Variants in SPAG17 observed in about 807,000 individuals in gnomAD.
SPAG17 encodes the protein sperm-associated antigen 17.
Under a neutral mutation model 273.6 loss-of-function variants are expected in SPAG17, and 169 were observed. The observed-to-expected ratio is 0.62, with a 90% CI of 0.55 to 0.70. The LOEUF (loss-of-function observed/expected upper bound fraction) is 0.70. SPAG17 is among the 30% of genes least tolerant of loss of function. The pLI is 0.00. For missense variants in SPAG17, 2,557 were observed against 2,627.8 expected, an observed-to-expected ratio of 0.97 and a Z score of 0.59; for synonymous variants, 825 against 873.2, an observed-to-expected ratio of 0.94 and a Z score of 0.97.
intron 40 of SPAG17, among the ~76,000 whole-genome samples, chr1:117,985,730 TAA>T (rs758122113): frequency 7.9e-4 from 120 of 152,296 alleles, no homozygotes; most frequent in South Asian, 1.9e-3. Context: ...CTAAAAAACT[TAA>T]GTTTTGCAAA....
At chr1:118,073,583 A>AT (rs1212274143) in intron 17 of SPAG17, among the ~76,000 whole-genome samples, 9 of 152,304 alleles carry the variant, frequency 5.9e-5, no homozygotes, top group African/African-American at 2.2e-4. Context: ...GCAGCAAAAA[A>AT]ATATATATAT....
intron 1 of SPAG17, among the ~76,000 whole-genome samples, chr1:118,173,157 G>T (rs539724122): frequency 1.3e-5 from 2 of 151,638 alleles, no homozygotes; most frequent in East Asian, 3.9e-4. Context: ...AGAGACTAAC[G>T]TAGCAGTATA....
At chr1:118,049,249 G>A (rs1379439791) in intron 20 of SPAG17, among the ~76,000 whole-genome samples, 1 of 152,156 alleles carries the variant, frequency 6.6e-6, no homozygotes, top group Admixed American at 6.5e-5. Flanking sequence ...TGATACCAAA[G>A]CTAGACAAGG....
At chr1:118,183,731 C>T (rs1661052545) in intron 1 of SPAG17, among the ~76,000 whole-genome samples, 1 of 152,132 alleles carries the variant, frequency 6.6e-6, no homozygotes, top group Admixed American at 6.5e-5. Context: ...GCAGTGTCAG[C>T]ACCTCCATCA....
At chr1:118,002,734 G>C (rs1658437067) in intron 32 of SPAG17, among the ~76,000 whole-genome samples, 1 of 152,010 alleles carries the variant, frequency 6.6e-6, no homozygotes. Context: ...CACATGAGAT[G>C]GGTCTCCTGA....
At chr1:118,075,461 C>A (rs145132522) in intron 15 of SPAG17, among the ~76,000 whole-genome samples, 21 of 152,178 alleles carry the variant, frequency 1.4e-4, no homozygotes, top group African/African-American at 4.6e-4. Context: ...CATAGATCAA[C>A]GAACATCTCA....
intron 1 of SPAG17, among the ~76,000 whole-genome samples, chr1:118,153,575 A>G (rs1341241251): frequency 6.6e-6 from 1 of 152,212 alleles, no homozygotes; most frequent in Non-Finnish European, 1.5e-5. Flanking sequence ...TAGGCTGGGC[A>G]TGGTGGCTCA....
Position 118,097,727 on chromosome 1 carries a change from A to C in SPAG17, c.954T>G (p.Leu318=). ...PETNLFDVAR[L]EYMVKAADFP... Reference sequence around the variant, plus strand: ...AATCAGCTGCTTTGACCATGTACTCAAGTCGAGCAACATCAAAGAGATTTG... The same window carrying C: ...AATCAGCTGCTTTGACCATGTACTCCAGTCGAGCAACATCAAAGAGATTTG... Residue 318 remains leucine (L), a synonymous_variant, in exon 7 of 49, where the codon CTT becomes CTG. Coordinates refer to ENST00000336338, the MANE Select transcript of SPAG17 (RefSeq NM_206996.4). 1 of 1,610,394 alleles carries C rather than the reference A, an allele frequency of 6.2e-7. No individual in the cohort carries two copies. The highest frequency in any genetic ancestry group is 8.5e-7 in the Non-Finnish European group (1 of 1,178,698).
chr1:118,023,917 C>G (rs1449230062), intron 27 of SPAG17, among the ~76,000 whole-genome samples: 1 of 152,092 alleles, frequency 6.6e-6, no homozygotes, highest in East Asian at 1.9e-4. Context: ...GATATGTCTA[C>G]CTGCTGTTGG....
At chr1:118,056,917 T>C (rs955563505) in intron 18 of SPAG17, among the ~76,000 whole-genome samples, 2 of 152,206 alleles carry the variant, frequency 1.3e-5, no homozygotes, top group East Asian at 3.9e-4. Context: ...AGTCTACAGT[T>C]CCAGTTAAAC....
In SPAG17 at chr1:118,036,811, C is replaced by A. The variant is rs1456799790; in HGVS notation, c.3392G>T (p.Cys1131Phe). 2 of 1,559,902 alleles carry A rather than the reference C, an allele frequency of 1.3e-6. No homozygotes were observed. Among genetic ancestry groups the A allele is most frequent in the Non-Finnish European group, 1.7e-6 (2 of 1,150,446 alleles). Residue 1131 changes from cysteine to phenylalanine, a missense_variant, in exon 24 of 49, where the codon TGC (cysteine) becomes TTC (phenylalanine). Transcript: ENST00000336338. ...SFSATLENGI[C>F]LSISYYGSNG... The stretch of plus-strand genomic sequence containing the variant: ...TGATCCATAGTAACTTATCGAGAGG[C>A]AGATTCCATTTTCTAAGGTGGCAGA...
intron 4 of SPAG17, among the ~76,000 whole-genome samples, chr1:118,109,906 A>T (rs1456668436): frequency 6.6e-6 from 1 of 151,544 alleles, no homozygotes; most frequent in East Asian, 1.9e-4. Flanking sequence ...CTTCATCTTT[A>T]ATTAGCTATT....
chr1:118,119,016 C>G (rs950600440), intron 3 of SPAG17, among the ~76,000 whole-genome samples: 2 of 152,186 alleles, frequency 1.3e-5, no homozygotes, highest in African/African-American at 4.8e-5. Flanking sequence ...CTAAGCATTC[C>G]TCTTCTCTCT....
At position 118,005,466 on chromosome 1, in the gene SPAG17, T is replaced by G; in HGVS notation, c.4724A>C (p.His1575Pro). The change falls in exon 32 of 49, where the codon CAT (histidine) becomes CCT (proline). Residue 1575 changes from histidine to proline, a missense_variant. His to Pro is a moderately conservative substitution (Grantham distance 77). Coordinates refer to ENST00000336338, the MANE Select transcript of SPAG17 (RefSeq NM_206996.4). ...QLRAGRYIMR[H>P]TSEVICEVLD... ...AACCTCACAGATAACCTCTGAAGTATGCCTCATGATGTACCTGCCAGCTCG... is the reference window on the plus strand; with the variant it reads ...AACCTCACAGATAACCTCTGAAGTAGGCCTCATGATGTACCTGCCAGCTCG... 1 of 1,613,674 alleles carries G rather than the reference T, an allele frequency of 6.2e-7. No individual in the cohort carries two copies. Among genetic ancestry groups the G allele is most frequent in the Non-Finnish European group, 8.5e-7 (1 of 1,179,738 alleles).
intron 23 of SPAG17, among the ~76,000 whole-genome samples, chr1:118,037,091 C>T (rs1457903820): frequency 1.3e-5 from 2 of 151,934 alleles, no homozygotes; most frequent in African/African-American, 2.4e-5. Context: ...GTTTTAGGGA[C>T]CTTAGGTTAA....
At chr1:118,184,984 G>A in intron 1 of SPAG17, 87 bp downstream of exon 1, 1 of 1,116,386 alleles carries the variant, frequency 9.0e-7, no homozygotes, top group South Asian at 1.3e-5. Context: ...GGAAGAGAGG[G>A]CGAGCCTTAA....
At chr1:118,053,771 A>C (rs2101990999) in intron 20 of SPAG17, among the ~76,000 whole-genome samples, 1 of 152,158 alleles carries the variant, frequency 6.6e-6, no homozygotes, top group East Asian at 1.9e-4. Flanking sequence ...CGTTTTTAAA[A>C]ACCTTTTAAA....
intron 43 of SPAG17, among the ~76,000 whole-genome samples, chr1:117,979,635 C>T (rs978607693): frequency 3.3e-5 from 5 of 152,168 alleles, no homozygotes. Context: ...CTTCCGCTGA[C>T]GTTTGAATAA....
chr1:118,138,635 G>A (rs1053900920), intron 3 of SPAG17, among the ~76,000 whole-genome samples: 5 of 152,128 alleles, frequency 3.3e-5, no homozygotes, highest in African/African-American at 1.2e-4. Flanking sequence ...TGTAGAAAAT[G>A]TGGAACCAAT....
Sources: gnomAD v4.1 joint callset for allele counts (sites outside exome capture counted in the v4.1 genomes callset) on GRCh38, gnomAD v4.1.1 for gene constraint, MANE v1.5 for transcripts, NCBI Gene and HGNC (gene_info 2026-07-23, HGNC 2026-07-21) for gene names.